PAPSS2: variants seen among roughly 807,000 people sequenced by gnomAD.
PAPSS2 encodes the protein bifunctional 3'-phosphoadenosine 5'-phosphosulfate synthase 2.
A neutral mutation model predicts 66.5 loss-of-function variants in PAPSS2; 61 were observed. That is an observed-to-expected ratio of 0.92 (90% CI 0.75 to 1.14). The LOEUF is 1.14. Among genes scored for constraint, PAPSS2 ranks in the 50% most tolerant of loss-of-function variants. The probability of loss-of-function intolerance (pLI) is 0.00; values close to 1 mark genes in which losing one functional copy is unlikely to be tolerated. For synonymous variants in PAPSS2, 289 were observed against 287.5 expected (o/e 1.01, Z -0.05); for missense variants, 708 against 789.6 (o/e 0.90, Z 1.24).
chr10:87,707,301 C>T (rs746157792), intron 1 of PAPSS2, among the ~76,000 whole-genome samples: 3 of 152,200 alleles, frequency 2.0e-5, no homozygotes, highest in African/African-American at 4.8e-5. Flanking sequence ...TAATTTGACA[C>T]TGAAAGGCCG....
intron 1 of PAPSS2, among the ~76,000 whole-genome samples, chr10:87,685,675 C>A (rs550279470): frequency 9.2e-5 from 14 of 152,194 alleles, no homozygotes; most frequent in African/African-American, 3.1e-4. Context: ...CAGAGTGAGA[C>A]CCTGTCTCAA....
chr10:87,745,739 A>G, intron 12 of PAPSS2, 93 bp from the exon 13 acceptor site: 1 of 1,291,362 alleles, frequency 7.7e-7, no homozygotes, highest in African/African-American at 1.5e-5. Context: ...TTACAGAAAG[A>G]ACATGGGTCT....
intron 9 of PAPSS2, among the ~76,000 whole-genome samples, chr10:87,735,075 G>A (rs1312998341): frequency 6.6e-6 from 1 of 152,072 alleles, no homozygotes; most frequent in Non-Finnish European, 1.5e-5. Context: ...CTGGGCTCCT[G>A]AAGCCTGCTC....
intron 1 of PAPSS2, among the ~76,000 whole-genome samples, chr10:87,676,170 A>G (rs1334220397): frequency 6.6e-6 from 1 of 152,018 alleles, no homozygotes; most frequent in Non-Finnish European, 1.5e-5. Flanking sequence ...CCTGAAGACC[A>G]TTCTTTCTTA....
intron 8 of PAPSS2, among the ~76,000 whole-genome samples, chr10:87,722,659 A>G (rs754867760): frequency 1.2e-4 from 18 of 152,246 alleles, no homozygotes; most frequent in Non-Finnish European, 2.1e-4. Context: ...AATGAAGCAC[A>G]TGAAGGAAAA....
chr10:87,724,686 C>A (rs1853636914), intron 8 of PAPSS2, among the ~76,000 whole-genome samples: 1 of 146,180 alleles, frequency 6.8e-6, no homozygotes, highest in African/African-American at 2.5e-5. Flanking sequence ...ATTATGGAGC[C>A]TTATCTCTCT....
At chr10:87,713,543 C>A (rs1206487590) in intron 3 of PAPSS2, among the ~76,000 whole-genome samples, 1 of 152,070 alleles carries the variant, frequency 6.6e-6, no homozygotes, top group Admixed American at 6.6e-5. Context: ...GACATAAACC[C>A]TTCCATGTTC....
chr10:87,720,941 C>G (rs536535110), intron 7 of PAPSS2, among the ~76,000 whole-genome samples: 1 of 152,254 alleles, frequency 6.6e-6, no homozygotes, highest in East Asian at 1.9e-4. Context: ...TTTAAAAATG[C>G]AACCTCAAGC....
chr10:87,712,978 T>A (rs79179821), intron 2 of PAPSS2, 97 bp from the exon 3 acceptor site: 4 of 705,040 alleles, frequency 5.7e-6, no homozygotes, highest in Non-Finnish European at 7.5e-6. Context: ...TTTTTTTTTT[T>A]AAGATTTAGT....
chr10:87,715,664 T>C (rs1853523387), intron 6 of PAPSS2, 68 bp from the exon 7 acceptor site: 5 of 966,898 alleles, frequency 5.2e-6, no homozygotes, highest in Non-Finnish European at 6.7e-6. Flanking sequence ...AAGAAAGGAC[T>C]TCCCTGGGGC....
At chr10:87,703,702 C>T (rs1017344082) in intron 1 of PAPSS2, 25 of 517,774 alleles carry the variant, frequency 4.8e-5, no homozygotes, top group Non-Finnish European at 8.9e-5. Context: ...ACTCCAAAAT[C>T]GATACTCATG....
intron 10 of PAPSS2, among the ~76,000 whole-genome samples, chr10:87,742,884 T>G (rs1376924698): frequency 6.6e-6 from 1 of 152,200 alleles, no homozygotes; most frequent in Non-Finnish European, 1.5e-5. Context: ...GTCTCAGCTA[T>G]CTGGTGTTGG....
Position 87,727,358 on chromosome 10 carries a change from A to G in PAPSS2, c.955A>G (p.Ser319Gly). 1.9e-6 allele frequency: 3 copies of G among 1,614,098 alleles called. No homozygotes were observed. Among genetic ancestry groups the G allele is most frequent in the African/African-American group, 1.3e-5 (1 of 75,042 alleles). The change falls in exon 9 of 13, where the codon AGC becomes GGC. Residue 319 changes from serine (S) to glycine (G), a missense_variant. Transcript: ENST00000456849. ...AEDKTRLEGCSKFVLAHGGRR... is the reference protein window; with the variant it reads ...AEDKTRLEGCGKFVLAHGGRR... ...GGATAAGACACGGCTGGAAGGGTGC[A>G]GCAAGTTTGTCCTGGCACATGGTGG...
At chr10:87,674,061 T>C (rs963939397) in intron 1 of PAPSS2, among the ~76,000 whole-genome samples, 1 of 152,116 alleles carries the variant, frequency 6.6e-6, no homozygotes, top group African/African-American at 2.4e-5. Context: ...CTACCCTTCC[T>C]GCAAGCTTAC....
intron 1 of PAPSS2, among the ~76,000 whole-genome samples, chr10:87,676,063 T>TATTTA (rs1356586971): frequency 6.6e-6 from 1 of 150,622 alleles, no homozygotes; most frequent in Non-Finnish European, 1.5e-5. Context: ...TATTTAAAAT[T>TATTTA]AAATATTCCA....
Position 87,688,437 on chromosome 10 carries a change from T to TTA in PAPSS2, c.28-20758_28-20757insAT, listed in dbSNP as rs1554863021. On this transcript the variant is annotated intron_variant, in intron 1 of 12. Transcript: ENST00000456849. The stretch of plus-strand genomic sequence containing the variant: ...ACCCTGAAGAACTATGGAAATTTCT[T>TTA]TTTTATTTTATTTATTTATTTATTT... 2.1e-5 allele frequency among the ~76,000 whole-genome samples: 3 copies of TTA among 145,926 alleles called. No homozygotes were observed. The East Asian group carries it at 5.9e-4, about 29-fold the overall frequency.
At chr10:87,735,667 C>G (rs1489130620) in intron 9 of PAPSS2, among the ~76,000 whole-genome samples, 1 of 152,182 alleles carries the variant, frequency 6.6e-6, no homozygotes, top group African/African-American at 2.4e-5. Context: ...GCACTGTTGA[C>G]ATATTGGACT....
At chr10:87,724,293 G>A (rs77427543) in intron 8 of PAPSS2, among the ~76,000 whole-genome samples, 2 of 150,532 alleles carry the variant, frequency 1.3e-5, no homozygotes, top group Middle Eastern at 6.8e-3. Context: ...CAAAAAAAAA[G>A]AGAATATGTT....
intron 10 of PAPSS2, among the ~76,000 whole-genome samples, chr10:87,742,979 C>T (rs1853888210): frequency 6.6e-6 from 1 of 152,248 alleles, no homozygotes; most frequent in South Asian, 2.1e-4. Flanking sequence ...GGTGCAGTGG[C>T]TTACGCCTGT....
Sources: gnomAD v4.1 joint callset for allele counts (sites outside exome capture counted in the v4.1 genomes callset) on GRCh38, gnomAD v4.1.1 for gene constraint, MANE v1.5 for transcripts, NCBI Gene and HGNC (gene_info 2026-07-23, HGNC 2026-07-21) for gene names.